Variants in DUS4L observed in about 807,000 individuals in gnomAD.
The protein encoded by DUS4L is dihydrouridine synthase 4 like.
DUS4L carries 31 observed loss-of-function variants against 33.8 expected under a neutral mutation model. The observed-to-expected ratio is 0.92, with a 90% CI of 0.69 to 1.24. The LOEUF is 1.24. Ranked by LOEUF, DUS4L falls within the 50% of genes most tolerant of loss-of-function variation. DUS4L has a pLI of 0.00. For missense variants in DUS4L, 368 were observed against 388.6 expected, an observed-to-expected ratio of 0.95 and a Z score of 0.45; for synonymous variants, 103 against 120.3, an observed-to-expected ratio of 0.86 and a Z score of 0.94.
chr7:107,564,317 G>C (rs1804339415), intron 1 of DUS4L, 108 bp downstream of exon 1: 1 of 405,900 alleles, frequency 2.5e-6, no homozygotes, highest in South Asian at 2.8e-5. Flanking sequence ...GTTTCAGGGA[G>C]CTTCGTTTGC....
At position 107,576,424 on chromosome 7, in the gene DUS4L, G is replaced by C; in HGVS notation, c.538G>C (p.Val180Leu). 1 of 1,612,238 alleles carries C rather than the reference G, an allele frequency of 6.2e-7. No homozygotes were observed. The highest frequency in any genetic ancestry group is 8.5e-7 in the Non-Finnish European group (1 of 1,179,648). ...DLCQKAEATG[V>L]SWITVHGRTA... ...TTGTCAAAAGGCTGAAGCAACAGGA[G>C]TTTCATGGATTACAGTCCATGGAAG... is the stretch of plus-strand genomic sequence containing the variant. The change falls in exon 7 of 8, where the codon GTT becomes CTT. Residue 180 changes from valine (V) to leucine (L), a missense_variant. Physicochemically the swap from Val to Leu is conservative, Grantham distance 32. Coordinates refer to ENST00000265720, the MANE Select transcript of DUS4L (RefSeq NM_181581.3).
intron 4 of DUS4L, among the ~76,000 whole-genome samples, chr7:107,571,935 T>C (rs1488554774): frequency 6.6e-6 from 1 of 152,194 alleles, no homozygotes; most frequent in African/African-American, 2.4e-5. Flanking sequence ...ATACACTGTC[T>C]TCTCACACCA....
intron 3 of DUS4L, among the ~76,000 whole-genome samples, chr7:107,569,612 A>T (rs535604350): frequency 9.8e-4 from 148 of 151,594 alleles, no homozygotes; most frequent in African/African-American, 3.5e-3. Context: ...GATTTCTATC[A>T]TCAGTATTGT....
intron 5 of DUS4L, chr7:107,574,891 A>G (rs1204736810): frequency 2.8e-6 from 1 of 362,906 alleles, no homozygotes; most frequent in Non-Finnish European, 5.0e-6. Flanking sequence ...AATTTTTAAA[A>G]TCTGAAGTCA....
At chr7:107,567,327 A>C (rs1804802295) in intron 3 of DUS4L, 141 bp downstream of exon 3, 2 of 667,456 alleles carry the variant, frequency 3.0e-6, no homozygotes, top group Non-Finnish European at 5.1e-6. Context: ...TTGAGTCATG[A>C]TGCTACTACT....
chr7:107,577,366 G>A lies in DUS4L; in HGVS notation c.760G>A (p.Glu254Lys), dbSNP rs767447555. The A allele has an allele frequency of 1.2e-6, 2 of 1,614,140 alleles. No individual in the cohort carries two copies. The highest frequency in any genetic ancestry group is 1.1e-5 in the South Asian group (1 of 91,080). Reference protein sequence around the residue: ...LANPAMFAGYEETPLKCIWDW... With the variant: ...LANPAMFAGYKETPLKCIWDW... Reference sequence around the variant, plus strand: ...AAACCCGGCCATGTTTGCTGGATATGAGGAAACCCCACTGAAATGCATCTG... The same window carrying A: ...AAACCCGGCCATGTTTGCTGGATATAAGGAAACCCCACTGAAATGCATCTG... Residue 254 changes from glutamate to lysine, a missense_variant, in exon 8 of 8, where the codon GAG (glutamate) becomes AAG (lysine). Transcript: ENST00000265720.
chr7:107,565,607 T>C (rs1358924088), intron 2 of DUS4L, among the ~76,000 whole-genome samples: 1 of 152,198 alleles, frequency 6.6e-6, no homozygotes, highest in East Asian at 1.9e-4. Flanking sequence ...CACTGCAGCC[T>C]CAACCTCCTG....
chr7:107,574,432 A>G (rs1388049610), intron 5 of DUS4L, among the ~76,000 whole-genome samples: 2 of 147,044 alleles, frequency 1.4e-5, no homozygotes, highest in Non-Finnish European at 3.0e-5. Flanking sequence ...ACCGCCTCCC[A>G]GGTTCAAGCG....
rs192797509 is a variant in DUS4L, at chr7:107,573,729, T to G, written c.264T>G (p.Phe88Leu). ...GTGATTGCCCATTGATTGTTCAGTT[T>G]GCTGCTAACGATGCAAGACTTTTAT... The part of the protein sequence containing the change: ...NQGDCPLIVQ[F>L]AANDARLLSD... Residue 88 changes from phenylalanine (F) to leucine (L), a missense_variant, in exon 5 of 8, where the codon TTT (phenylalanine) becomes TTG (leucine). Physicochemically the swap from Phe to Leu is conservative, Grantham distance 22. Coordinates refer to ENST00000265720, the MANE Select transcript of DUS4L (RefSeq NM_181581.3). 90 of 1,610,060 alleles carry G rather than the reference T, an allele frequency of 5.6e-5. No homozygotes were observed. In the East Asian group the frequency reaches 2.0e-3, roughly 36 times the overall value.
chr7:107,573,421 A>G (rs1805441378), intron 4 of DUS4L, among the ~76,000 whole-genome samples: 1 of 152,372 alleles, frequency 6.6e-6, no homozygotes, highest in East Asian at 1.9e-4. Flanking sequence ...TTGTTCTGGA[A>G]TGCAGTAAAC....
chr7:107,569,168 A>C, intron 3 of DUS4L, among the ~76,000 whole-genome samples: 1 of 152,202 alleles, frequency 6.6e-6, no homozygotes, highest in Admixed American at 6.5e-5. Context: ...GCACCACTGC[A>C]CTCCAGCCTG....
In DUS4L at chr7:107,564,187, G is replaced by A. The variant is rs1584978131; in HGVS notation, c.-133G>A. ...TCAGGGCCGCGCCCCCTGGGCTGGC[G>A]TCGTGCCCTAGCCAAGGAGAAGGTG... On this transcript the variant is annotated 5_prime_UTR_variant, in exon 1 of 8. Transcript: ENST00000265720. 1 of 610,504 alleles carries A rather than the reference G, an allele frequency of 1.6e-6. No individual in the cohort carries two copies. The highest frequency in any genetic ancestry group is 2.9e-6 in the Non-Finnish European group (1 of 348,028). The allele number at this position is 610,504 out of a possible 1,614,324, so 37.8% of individuals were successfully genotyped here.
chr7:107,565,374 G>A (rs1804548987), intron 2 of DUS4L, among the ~76,000 whole-genome samples: 1 of 152,224 alleles, frequency 6.6e-6, no homozygotes, highest in Non-Finnish European at 1.5e-5. Flanking sequence ...GCTGCACATT[G>A]AAATCACCTG....
chr7:107,571,571 A>G (rs1584993125), intron 4 of DUS4L, among the ~76,000 whole-genome samples: 2 of 152,318 alleles, frequency 1.3e-5, no homozygotes, highest in Non-Finnish European at 2.9e-5. Flanking sequence ...AAAGTGACCT[A>G]TTGAACATGT....
chr7:107,566,076 C>A (rs1246763782), intron 2 of DUS4L, among the ~76,000 whole-genome samples: 1 of 152,152 alleles, frequency 6.6e-6, no homozygotes. Flanking sequence ...CATCTTCAGT[C>A]TCTTTTGCTC....
Position 107,564,070 on chromosome 7 carries a change from A to T in DUS4L, c.-250A>T. 1 of 1,445,094 alleles carries T rather than the reference A, an allele frequency of 6.9e-7. No homozygotes were observed. Among genetic ancestry groups the T allele is most frequent in the Non-Finnish European group, 9.4e-7 (1 of 1,068,504 alleles). The allele number at this position is 1,445,094 out of a possible 1,614,324, so 89.5% of individuals were successfully genotyped here. A position where few individuals can be genotyped will look rare whatever the true frequency, so the allele number is the denominator to read the frequency against. ...CTAGGAGCCGCGCAGGTACTCGAGC[A>T]GTGGGCGCCCAGGGTCCGAGTGCTC... On this transcript the variant is annotated 5_prime_UTR_variant, in exon 1 of 8. Transcript: ENST00000265720.
chr7:107,573,112 G>A (rs1805412297), intron 4 of DUS4L, among the ~76,000 whole-genome samples: 1 of 151,958 alleles, frequency 6.6e-6, no homozygotes, highest in Non-Finnish European at 1.5e-5. Context: ...TATCCATATT[G>A]GTATATGTCT....
intron 7 of DUS4L, 119 bp downstream of exon 7, chr7:107,576,711 C>T: frequency 3.2e-6 from 3 of 936,150 alleles, no homozygotes; most frequent in Non-Finnish European, 4.6e-6. Flanking sequence ...TCCCATTGTA[C>T]TGTTTTAAGC....
Position 107,575,424 on chromosome 7 carries a change from G to A in DUS4L, c.479+114G>A, listed in dbSNP as rs185364959. The A allele has an allele frequency of 9.9e-5, 118 of 1,186,218 alleles. No homozygotes were observed. In the African/African-American group the frequency reaches 1.7e-3, roughly 17 times the overall value. The allele number at this position is 1,186,218 out of a possible 1,614,324, so 73.5% of individuals were successfully genotyped here. A position where few individuals can be genotyped will look rare whatever the true frequency, so the allele number is the denominator to read the frequency against. On this transcript the variant is annotated intron_variant, in intron 6 of 7. Transcript: ENST00000265720. Reference sequence around the variant, plus strand: ...TCTATCCTAAATAAATTGGTAGCTGGTGTATGGAAATGTTGAAAATAAGAC... The same window carrying A: ...TCTATCCTAAATAAATTGGTAGCTGATGTATGGAAATGTTGAAAATAAGAC...
Sources: gnomAD v4.1 joint callset for allele counts (sites outside exome capture counted in the v4.1 genomes callset) on GRCh38, gnomAD v4.1.1 for gene constraint, MANE v1.5 for transcripts, NCBI Gene and HGNC (gene_info 2026-07-23, HGNC 2026-07-21) for gene names.